The following GABRB3 variants were observed in gnomAD, a reference collection of about 807,000 sequenced individuals.
GABRB3 encodes the protein gamma-aminobutyric acid type A receptor subunit beta3, also known as gamma-aminobutyric acid receptor subunit beta-3.
GABRB3 carries 14 observed loss-of-function variants against 52.1 expected under a neutral mutation model. That is an observed-to-expected ratio of 0.27 (90% confidence interval 0.18 to 0.42). The LOEUF (loss-of-function observed/expected upper bound fraction) is 0.42, where lower values mean the gene tolerates loss of function less well. Among genes scored for constraint, GABRB3 ranks in the 10% least tolerant of loss-of-function variants. GABRB3 has a pLI of 1.00. For synonymous variants in GABRB3, 260 were observed against 232.3 expected (o/e 1.12, Z -1.08); for missense variants, 307 against 609.1 (o/e 0.50, Z 5.22).
chr15:26,772,584 C>T lies in GABRB3; in HGVS notation c.172+97G>A. ...CGGGCGAAGGGCCCCCACTCCCACCCGCCGCTGCTCCGCGGATGCGGCCCC... is the reference window on the plus strand; with the variant it reads ...CGGGCGAAGGGCCCCCACTCCCACCTGCCGCTGCTCCGCGGATGCGGCCCC... On this transcript the variant is annotated intron_variant, in intron 2 of 8. Transcript: ENST00000311550. 8 of 1,429,346 alleles carry T rather than the reference C, an allele frequency of 5.6e-6. No homozygotes were observed. The South Asian group carries it at 9.1e-5, about 16-fold the overall frequency. 88.5% of individuals were successfully genotyped at this position (1,429,346 alleles called of 1,614,324 possible). A position where few individuals can be genotyped will look rare whatever the true frequency, so the allele number is the denominator to read the frequency against.
upstream of GABRB3, chr15:26,773,182 C>T (rs1182124888): frequency 2.0e-5 from 4 of 201,974 alleles, no homozygotes; most frequent in African/African-American, 4.8e-5. Context: ...GGGGAGGAGG[C>T]CGGAGAGTCG....
chr15:26,692,785 T>TA (rs141245507), intron 3 of GABRB3, among the ~76,000 whole-genome samples: 2,886 of 152,298 alleles, frequency 0.019, 100 homozygotes, highest in South Asian at 0.12. Flanking sequence ...TGGTATAGTA[T>TA]AAATGCATGT....
intron 4 of GABRB3, among the ~76,000 whole-genome samples, chr15:26,620,003 T>G (rs1163880344): frequency 6.6e-6 from 1 of 152,076 alleles, no homozygotes; most frequent in Non-Finnish European, 1.5e-5. Context: ...TTCTTTCACT[T>G]TAGTTTTTTT....
At chr15:26,672,561 A>G (rs1182843050) in intron 3 of GABRB3, among the ~76,000 whole-genome samples, 1 of 152,148 alleles carries the variant, frequency 6.6e-6, no homozygotes, top group Admixed American at 6.5e-5. Context: ...AGCAGTAATA[A>G]GTTAGTAGGC....
In GABRB3 at chr15:26,580,032, A is replaced by G. The variant is rs6576582; in HGVS notation, c.682+287T>C. On this transcript the variant is annotated intron_variant, in intron 6 of 8. Coordinates refer to ENST00000311550, the MANE Select transcript of GABRB3 (RefSeq NM_000814.6). Reference sequence around the variant, plus strand: ...CATCAATGACCTGTTGTCTGCCCAAAGATGGGAGATTCTTATGTTATCAAA... The same window carrying G: ...CATCAATGACCTGTTGTCTGCCCAAGGATGGGAGATTCTTATGTTATCAAA... 0.98 allele frequency among the ~76,000 whole-genome samples: 149,261 copies of G among 152,354 alleles called. 73,131 individuals carry two copies. The highest frequency in any genetic ancestry group is 1 in the East Asian group (5,183 of 5,184).
intron 3 of GABRB3, among the ~76,000 whole-genome samples, chr15:26,678,476 C>T (rs1286242992): frequency 6.6e-5 from 10 of 151,922 alleles, no homozygotes; most frequent in Admixed American, 3.3e-4. Flanking sequence ...CTCTGTGAAC[C>T]TTACTGCATG....
Position 26,551,523 on chromosome 15 carries a change from A to AG in GABRB3, c.1081-3390dup, listed in dbSNP as rs140265186. 3.9e-5 allele frequency among the ~76,000 whole-genome samples: 6 copies of AG among 152,238 alleles called. No individual in the cohort carries two copies. In the East Asian group the frequency reaches 1.2e-3, roughly 30 times the overall value. Reference sequence around the variant, plus strand: ...GCCCAGTGCTGAATCTCCGCAGCTCAGGGGCTGGGGAAGTAGTGGAAAGTC... The same window carrying AG: ...GCCCAGTGCTGAATCTCCGCAGCTCAGGGGGCTGGGGAAGTAGTGGAAAGTC... On this transcript the variant is annotated intron_variant, in intron 8 of 8. Coordinates refer to ENST00000311550, the MANE Select transcript of GABRB3 (RefSeq NM_000814.6).
intron 6 of GABRB3, among the ~76,000 whole-genome samples, chr15:26,575,326 A>G (rs1373023499): frequency 6.6e-6 from 1 of 152,178 alleles, no homozygotes; most frequent in African/African-American, 2.4e-5. Context: ...CTGGTCCAGC[A>G]TTTTGGACTG....
chr15:26,579,008 C>T (rs1355719886), intron 6 of GABRB3, among the ~76,000 whole-genome samples: 1 of 152,194 alleles, frequency 6.6e-6, no homozygotes, highest in East Asian at 1.9e-4. Context: ...TAAAGTGGCA[C>T]TGCATAGAAA....
chr15:26,724,130 C>T (rs1182541710), intron 3 of GABRB3, among the ~76,000 whole-genome samples: 1 of 152,166 alleles, frequency 6.6e-6, no homozygotes, highest in Non-Finnish European at 1.5e-5. Context: ...GCTCTTCACC[C>T]ACAACACTCT....
chr15:26,573,775 T>C (rs1595451157), intron 6 of GABRB3, among the ~76,000 whole-genome samples: 1 of 152,146 alleles, frequency 6.6e-6, no homozygotes, highest in Non-Finnish European at 1.5e-5. Flanking sequence ...ATGCGGCTGG[T>C]TGGGTGGCTC....
intron 3 of GABRB3, among the ~76,000 whole-genome samples, chr15:26,630,343 A>G (rs997190567): frequency 5.3e-5 from 8 of 152,184 alleles, no homozygotes; most frequent in Non-Finnish European, 1.2e-4. Flanking sequence ...GATTTAATGG[A>G]GAGTGCTCAG....
chr15:26,676,275 TC>T (rs1888066392), intron 3 of GABRB3, among the ~76,000 whole-genome samples: 1 of 152,140 alleles, frequency 6.6e-6, no homozygotes, highest in South Asian at 2.1e-4. Context: ...TATCTGCGGC[TC>T]CCCCCAGGGT....
chr15:26,551,543 A>G (rs1889464117), intron 8 of GABRB3, among the ~76,000 whole-genome samples: 2 of 152,276 alleles, frequency 1.3e-5, no homozygotes, highest in South Asian at 4.1e-4. Context: ...GAAGTAGTGG[A>G]AAGTCACTCA....
chr15:26,587,188 C>A (rs1013910695), intron 4 of GABRB3, among the ~76,000 whole-genome samples: 1 of 152,118 alleles, frequency 6.6e-6, no homozygotes, highest in Non-Finnish European at 1.5e-5. Flanking sequence ...TTCACAGAAC[C>A]CATAAATCTA....
At chr15:26,694,147 G>C (rs576951936) in intron 3 of GABRB3, among the ~76,000 whole-genome samples, 15 of 152,026 alleles carry the variant, frequency 9.9e-5, no homozygotes, top group Non-Finnish European at 2.1e-4. Context: ...TCCACCCATA[G>C]AGTCTTCTTC....
chr15:26,773,602 C>T (rs1891222973), upstream of GABRB3: 1 of 1,500,996 alleles, frequency 6.7e-7, no homozygotes, highest in Non-Finnish European at 9.0e-7. Context: ...GGGCCGCCGC[C>T]TCCCGACGGT....
At chr15:26,548,565 C>T (rs906161154) in intron 8 of GABRB3, among the ~76,000 whole-genome samples, 1 of 152,000 alleles carries the variant, frequency 6.6e-6, no homozygotes, top group Admixed American at 6.6e-5. Context: ...TATAACACAC[C>T]CAAATTACTA....
intron 3 of GABRB3, among the ~76,000 whole-genome samples, chr15:26,663,159 C>A (rs1165378723): frequency 6.6e-6 from 1 of 152,168 alleles, no homozygotes; most frequent in African/African-American, 2.4e-5. Flanking sequence ...CAGAACCGTT[C>A]ATTGTGACAG....
Sources: allele counts gnomAD v4.1 joint callset (sites outside exome capture counted in the v4.1 genomes callset), GRCh38; gene constraint gnomAD v4.1.1; transcripts MANE v1.5; gene names NCBI Gene and HGNC (gene_info 2026-07-23, HGNC 2026-07-21).